The following PTBP2 variants were observed in gnomAD, a reference collection of about 807,000 sequenced individuals.
The protein encoded by PTBP2 is polypyrimidine tract-binding protein 2.
PTBP2 carries 13 observed loss-of-function variants against 61.4 expected under a neutral mutation model. That is an observed-to-expected ratio of 0.21 (90% CI 0.14 to 0.34). PTBP2 has a LOEUF of 0.34. PTBP2 is among the 10% of genes least tolerant of loss of function. The pLI is 1.00. For synonymous variants in PTBP2, 215 were observed against 218.5 expected, an observed-to-expected ratio of 0.98 and a Z score of 0.14; for missense variants, 405 against 642.6, an observed-to-expected ratio of 0.63 and a Z score of 4.00.
chr1:96,722,455 G>T lies in PTBP2; in HGVS notation c.8+583G>T, dbSNP rs368403832. ...GCCGCTGGGGAAGGGGGGAGGGCGT[G>T]CGGCGGCGGGAGGAAGGGGGAGGGC... On this transcript the variant is annotated intron_variant, in intron 1 of 13. Transcript: ENST00000674951. Among the ~76,000 whole-genome samples, 47 of 151,458 alleles carry T rather than the reference G, an allele frequency of 3.1e-4. No individual in the cohort carries two copies. The South Asian group carries it at 9.2e-3, about 30-fold the overall frequency.
chr1:96,816,512 A>G (rs903919793), downstream of PTBP2: 1 of 152,162 alleles, frequency 6.6e-6, no homozygotes, highest in East Asian at 1.9e-4. Flanking sequence ...TAAAGTACCT[A>G]CTTAAGGAAG....
At chr1:96,806,778 C>A in intron 10 of PTBP2, 88 bp from the exon 11 acceptor site, 3 of 926,482 alleles carry the variant, frequency 3.2e-6, no homozygotes, top group Non-Finnish European at 5.1e-6. Flanking sequence ...CTGAATGTTT[C>A]ATTGATATGT....
At chr1:96,820,198 C>T (rs1662637456) in exon 14 of PTBP2, 2 of 151,706 alleles carry the variant, frequency 1.3e-5, no homozygotes. Flanking sequence ...TTCTTTTCCT[C>T]TAATTGGGGG....
chr1:96,732,200 A>AT (rs1651519569), intron 2 of PTBP2, among the ~76,000 whole-genome samples: 1 of 152,210 alleles, frequency 6.6e-6, no homozygotes, highest in Non-Finnish European at 1.5e-5. Flanking sequence ...TGCATAGAAA[A>AT]TTACAATCAA....
Position 96,760,603 on chromosome 1 carries a change from A to G in PTBP2, c.116-9100A>G, listed in dbSNP as rs184391951. Among the ~76,000 whole-genome samples, 523 of 151,544 alleles carry G rather than the reference A, an allele frequency of 3.5e-3. 6 individuals carry two copies. The highest frequency in any genetic ancestry group is 0.012 in the African/African-American group (510 of 41,344). On this transcript the variant is annotated intron_variant, in intron 3 of 13. Coordinates refer to ENST00000674951, the MANE Select transcript of PTBP2 (RefSeq NM_021190.4). ...TGGAACTACAGGTGCACGCCACCAC[A>G]CCCGGCTAATTTTTTGTATTTTTAG...
chr1:96,777,980 TA>T (rs765612504), intron 7 of PTBP2, 34 bp downstream of exon 7: 18 of 1,199,908 alleles, frequency 1.5e-5, no homozygotes, highest in East Asian at 1.2e-4. Context: ...GATTTTTTTT[TA>T]TTGAAATGTA....
chr1:96,823,222 A>G (rs1274318452), exon 14 of PTBP2: 3 of 152,290 alleles, frequency 2.0e-5, no homozygotes, highest in Non-Finnish European at 4.4e-5. Context: ...CAGCCTTCTA[A>G]AGTGTTGGGA....
chr1:96,800,096 A>G (rs1172504464), intron 8 of PTBP2, among the ~76,000 whole-genome samples: 1 of 152,184 alleles, frequency 6.6e-6, no homozygotes, highest in Non-Finnish European at 1.5e-5. Flanking sequence ...TCTTTTACCT[A>G]TTAAAGCATT....
At chr1:96,746,198 GTATA>G (rs1366924009) in intron 2 of PTBP2, among the ~76,000 whole-genome samples, 3 of 152,026 alleles carry the variant, frequency 2.0e-5, no homozygotes, top group African/African-American at 7.2e-5. Flanking sequence ...AAAGGTATAG[GTATA>G]TATTACTAGT....
At position 96,794,443 on chromosome 1, in the gene PTBP2, TATG is replaced by T. The variant is rs372827626; in HGVS notation, c.904+9192_904+9194del. 6.6e-3 allele frequency among the ~76,000 whole-genome samples: 1,004 copies of T among 152,326 alleles called. 6 individuals are homozygous for T. Among genetic ancestry groups the T allele is most frequent in the Non-Finnish European group, 0.011 (756 of 68,024 alleles). On this transcript the variant is annotated intron_variant, in intron 8 of 13. Transcript: ENST00000674951. ...ATATGTTTGTGACCAAAGTATAAAATATGATTCTTTCCAGGGAGGTAAAGGTTA... is the reference window on the plus strand; with the variant it reads ...ATATGTTTGTGACCAAAGTATAAAATATTCTTTCCAGGGAGGTAAAGGTTA...
chr1:96,797,153 T>C (rs1660475468), intron 8 of PTBP2, among the ~76,000 whole-genome samples: 1 of 151,812 alleles, frequency 6.6e-6, no homozygotes, highest in South Asian at 2.1e-4. Flanking sequence ...TTGGGTGGCA[T>C]TGACATCGGA....
At chr1:96,765,298 A>G (rs1485378969) in intron 3 of PTBP2, among the ~76,000 whole-genome samples, 1 of 152,200 alleles carries the variant, frequency 6.6e-6, no homozygotes, top group Admixed American at 6.5e-5. Context: ...AGATGTACCT[A>G]AGTTTTGTCA....
chr1:96,795,010 A>G (rs889256308), intron 8 of PTBP2, among the ~76,000 whole-genome samples: 3 of 152,226 alleles, frequency 2.0e-5, no homozygotes, highest in African/African-American at 7.2e-5. Flanking sequence ...TGACTGGAAG[A>G]TGAGCATCAG....
chr1:96,773,467 T>C (rs1657623616), intron 5 of PTBP2, among the ~76,000 whole-genome samples: 1 of 152,214 alleles, frequency 6.6e-6, no homozygotes, highest in Admixed American at 6.5e-5. Flanking sequence ...TGCTGAGTTA[T>C]TTTTTCAGTG....
At chr1:96,821,285 A>C (rs1165759518) in exon 14 of PTBP2, 1 of 152,176 alleles carries the variant, frequency 6.6e-6, no homozygotes, top group East Asian at 1.9e-4. Context: ...CATTGTGAAT[A>C]ACACAGTGTA....
chr1:96,756,476 G>A (rs1471035658), intron 3 of PTBP2, among the ~76,000 whole-genome samples: 4 of 152,298 alleles, frequency 2.6e-5, no homozygotes, highest in South Asian at 2.1e-4. Context: ...CTTAGTCTGC[G>A]CAGAAAGTAG....
chr1:96,733,201 TC>T (rs1557687512), intron 2 of PTBP2, among the ~76,000 whole-genome samples: 2,483 of 152,236 alleles, frequency 0.016, 78 homozygotes, highest in African/African-American at 0.056. Flanking sequence ...GTTAGCTTCA[TC>T]TTCAAAGAAG....
In PTBP2 at chr1:96,813,781, T is replaced by C. The variant is rs1259967157; in HGVS notation, c.*376T>C. 6.4e-6 allele frequency: 1 copy of C among 157,030 alleles called. No individual in the cohort carries two copies. Among genetic ancestry groups the C allele is most frequent in the African/African-American group, 2.4e-5 (1 of 41,558 alleles). The allele number at this position is 157,030 out of a possible 1,614,324, so 9.7% of individuals were successfully genotyped here. ...GGAATTGGTTGTTTAGGGCACACTG[T>C]TATATGGGAATTAAAATATGTTTAG... On this transcript the variant is annotated 3_prime_UTR_variant, in exon 14 of 14. Transcript: ENST00000674951.
At chr1:96,809,994 T>TTAAAAAATGAGAGTGGTAAC (rs1661897733) in intron 11 of PTBP2, among the ~76,000 whole-genome samples, 1 of 152,086 alleles carries the variant, frequency 6.6e-6, no homozygotes, top group South Asian at 2.1e-4. Context: ...TAAAGATTGA[T>TTAAAAAATGAGAGTGGTAAC]TAAAAAATGA....
Sources: allele counts gnomAD v4.1 joint callset (sites outside exome capture counted in the v4.1 genomes callset), GRCh38; gene constraint gnomAD v4.1.1; transcripts MANE v1.5; gene names NCBI Gene and HGNC (gene_info 2026-07-23, HGNC 2026-07-21).